LOC400499: variants seen among roughly 807,000 people sequenced by gnomAD.
the LOC400499 span, among the ~76,000 whole-genome samples, chr16:11,457,364 C>T: frequency 2.6e-5 from 4 of 152,100 alleles, no homozygotes; most frequent in Middle Eastern, 3.4e-3. Flanking sequence ...GAGGCCGAGG[C>T]GGGTGGATCA....
the LOC400499 span, among the ~76,000 whole-genome samples, chr16:11,450,234 A>G: frequency 6.6e-6 from 1 of 152,232 alleles, no homozygotes; most frequent in Non-Finnish European, 1.5e-5. Context: ...GTGTGCAGAG[A>G]AGCAACATCA....
chr16:11,428,174 G>A, the LOC400499 span, among the ~76,000 whole-genome samples: 1 of 152,012 alleles, frequency 6.6e-6, no homozygotes, highest in South Asian at 2.1e-4. Flanking sequence ...CCTCCCCTTT[G>A]TGTTTATTTT....
chr16:11,440,143 G>A, the LOC400499 span, among the ~76,000 whole-genome samples: 2 of 152,098 alleles, frequency 1.3e-5, no homozygotes, highest in African/African-American at 2.4e-5. Context: ...ACCCAGCAGA[G>A]ATACAACCCA....
At chr16:11,435,145 AT>A in the LOC400499 span, among the ~76,000 whole-genome samples, 1 of 151,408 alleles carries the variant, frequency 6.6e-6, no homozygotes, top group East Asian at 1.9e-4. Flanking sequence ...ACATCTGGCT[AT>A]TTTTTAAAAA....
chr16:11,456,819 C>A, the LOC400499 span: 1 of 1,535,290 alleles, frequency 6.5e-7, no homozygotes, highest in African/African-American at 1.4e-5. Flanking sequence ...GATCAGAAAC[C>A]TGAGCTGCTA....
At chr16:11,515,845 GGCCCGGCCCA>G in the LOC400499 span, 15 of 68,306 alleles carry the variant, frequency 2.2e-4, 2 homozygotes, top group Middle Eastern at 3.0e-3. Context: ...AGCAGTCAGG[GGCCCGGCCCA>G]GCCCAGCCCA....
At chr16:11,405,493 T>G in the LOC400499 span, among the ~76,000 whole-genome samples, 2 of 151,992 alleles carry the variant, frequency 1.3e-5, no homozygotes, top group African/African-American at 4.8e-5. Context: ...GAAGCAAGCT[T>G]GGGGAGGAGG....
the LOC400499 span, among the ~76,000 whole-genome samples, chr16:11,382,877 G>C: frequency 1.3e-5 from 2 of 152,162 alleles, no homozygotes; most frequent in Non-Finnish European, 2.9e-5. Context: ...ACTTAGCTTA[G>C]TAGGGGGTAG....
chr16:11,390,169 T>C, the LOC400499 span: 1 of 1,232,368 alleles, frequency 8.1e-7, no homozygotes. Context: ...CGTGAGAACG[T>C]GGCCTCAGCC....
the LOC400499 span, chr16:11,469,030 T>C: frequency 2.5e-6 from 1 of 397,074 alleles, no homozygotes; most frequent in Non-Finnish European, 4.4e-6. Context: ...TTCTGGGTAA[T>C]AGAACTAACA....
chr16:11,496,197 G>C, the LOC400499 span, among the ~76,000 whole-genome samples: 1 of 152,032 alleles, frequency 6.6e-6, no homozygotes, highest in African/African-American at 2.4e-5. Flanking sequence ...TTCCTGAGTA[G>C]CTGGGATTAC....
chr16:11,396,583 G>A, the LOC400499 span: 45 of 1,232,102 alleles, frequency 3.7e-5, no homozygotes, highest in Middle Eastern at 3.1e-4. Context: ...GATGCAGGCC[G>A]TGGTCTGGGT....
the LOC400499 span, among the ~76,000 whole-genome samples, chr16:11,504,559 C>G: frequency 2.1e-4 from 29 of 140,670 alleles, no homozygotes; most frequent in East Asian, 2.2e-3. Flanking sequence ...CCGTCCCCCC[C>G]CCCAAAAAAA....
At chr16:11,520,720 G>A in the LOC400499 span, among the ~76,000 whole-genome samples, 3 of 151,324 alleles carry the variant, frequency 2.0e-5, no homozygotes, top group Non-Finnish European at 2.9e-5. Context: ...GTGACCAAGA[G>A]GAAGTATGAA....
At chr16:11,414,422 G>A in the LOC400499 span, 73 of 399,692 alleles carry the variant, frequency 1.8e-4, no homozygotes, top group African/African-American at 2.7e-4. Context: ...AGTGGGCCAC[G>A]TCGTGGCCGA....
chr16:11,374,532 C>T, the LOC400499 span, among the ~76,000 whole-genome samples: 1 of 152,198 alleles, frequency 6.6e-6, no homozygotes, highest in Non-Finnish European at 1.5e-5. Context: ...CTTTCTGTCT[C>T]TATGAAACTT....
the LOC400499 span, chr16:11,471,285 G>T: frequency 6.2e-6 from 1 of 161,034 alleles, no homozygotes; most frequent in Non-Finnish European, 1.3e-5. Context: ...CAGGAACTGA[G>T]TCACCAGCGG....
At chr16:11,491,150 A>T in the LOC400499 span, among the ~76,000 whole-genome samples, 1 of 152,248 alleles carries the variant, frequency 6.6e-6, no homozygotes, top group Non-Finnish European at 1.5e-5. Flanking sequence ...CTAAAGGCAT[A>T]CAGGAAGGAA....
the LOC400499 span, chr16:11,475,490 C>A: frequency 2.5e-6 from 1 of 395,616 alleles, no homozygotes; most frequent in Non-Finnish European, 4.4e-6. Context: ...AAACCTGTCT[C>A]AGATACTTTT....
Sources: gnomAD v4.1 joint callset for allele counts (sites outside exome capture counted in the v4.1 genomes callset) on GRCh38, gnomAD v4.1.1 for gene constraint, MANE v1.5 for transcripts.